The following CSMD1 variants were observed in gnomAD, a reference collection of about 807,000 sequenced individuals.
CSMD1 encodes CUB and Sushi multiple domains 1.
Under a neutral mutation model 417.5 loss-of-function variants are expected in CSMD1, and 213 were observed. The ratio of observed to expected loss-of-function variants is 0.51; its 90% CI spans 0.46 to 0.57. CSMD1 has a LOEUF of 0.57. Among genes scored for constraint, CSMD1 ranks in the 20% least tolerant of loss-of-function variants. The pLI, the probability that CSMD1 is intolerant of heterozygous loss-of-function variation, is 0.00. For synonymous variants in CSMD1, 2,862 were observed against 1,736.8 expected (o/e 1.65, Z -16.11); for missense variants, 6,923 against 4,529.7 (o/e 1.53, Z -15.17).
At position 4,981,756 on chromosome 8, in the gene CSMD1, T is replaced by C. The variant is rs886151897; in HGVS notation, c.85+12576A>G. Among the ~76,000 whole-genome samples the C allele has an allele frequency of 3.3e-5, 5 of 152,230 alleles. No homozygotes were observed. The East Asian group carries it at 5.8e-4, about 18-fold the overall frequency. On this transcript the variant is annotated intron_variant, in intron 1 of 69. Coordinates refer to ENST00000635120, the MANE Select transcript of CSMD1 (RefSeq NM_033225.6). ...CTAGGGATCCTTTTCTCCTTGAGAG[T>C]GGGCAGGACCCGTGGCTTCCTTTCA...
intron 54 of CSMD1, among the ~76,000 whole-genome samples, chr8:2,986,425 C>T (rs1242081588): frequency 6.6e-6 from 1 of 152,142 alleles, no homozygotes; most frequent in Non-Finnish European, 1.5e-5. Flanking sequence ...ATCAGATCAA[C>T]CCCTAAGACT....
chr8:3,755,926 T>C (rs1756397159), intron 5 of CSMD1, among the ~76,000 whole-genome samples: 1 of 152,056 alleles, frequency 6.6e-6, no homozygotes, highest in African/African-American at 2.4e-5. Context: ...CTTTTTTTAT[T>C]TTTCTGGTGA....
intron 3 of CSMD1, among the ~76,000 whole-genome samples, chr8:4,060,873 C>A (rs1196210347): frequency 6.6e-6 from 1 of 151,988 alleles, no homozygotes; most frequent in African/African-American, 2.4e-5. Context: ...AGGAAGAAAA[C>A]AAAGGCAAAA....
At chr8:3,782,775 A>G (rs1799251824) in intron 5 of CSMD1, among the ~76,000 whole-genome samples, 1 of 152,174 alleles carries the variant, frequency 6.6e-6, no homozygotes, top group South Asian at 2.1e-4. Flanking sequence ...ATCTAAATAA[A>G]CTTTAGGAAT....
chr8:2,944,266 C>T (rs677637), intron 68 of CSMD1, among the ~76,000 whole-genome samples: 101,659 of 151,982 alleles, frequency 0.67, 35,392 homozygotes, highest in East Asian at 0.88. Flanking sequence ...GGACGCAAAA[C>T]ATTCTGAGAT....
intron 5 of CSMD1, among the ~76,000 whole-genome samples, chr8:3,792,600 C>G (rs1799812431): frequency 6.6e-6 from 1 of 152,158 alleles, no homozygotes; most frequent in Non-Finnish European, 1.5e-5. Context: ...CCTTCCTCTT[C>G]CTTTCACCCT....
At chr8:3,171,529 A>G (rs923338333) in intron 37 of CSMD1, among the ~76,000 whole-genome samples, 4 of 152,196 alleles carry the variant, frequency 2.6e-5, no homozygotes, top group African/African-American at 9.6e-5. Context: ...GCCACTAGTC[A>G]TTACTTATTC....
intron 25 of CSMD1, among the ~76,000 whole-genome samples, chr8:3,293,829 G>C (rs1477154864): frequency 1.3e-5 from 2 of 152,188 alleles, no homozygotes; most frequent in Admixed American, 6.5e-5. Context: ...CTCTCAACTT[G>C]TCAAAGTCAT....
intron 2 of CSMD1, among the ~76,000 whole-genome samples, chr8:4,565,274 G>C (rs1353838241): frequency 6.6e-6 from 1 of 152,186 alleles, no homozygotes; most frequent in East Asian, 1.9e-4. Flanking sequence ...GCAGAATATT[G>C]AGTGAACAAG....
At chr8:3,404,134 G>A (rs1420381183) in intron 15 of CSMD1, among the ~76,000 whole-genome samples, 1 of 152,072 alleles carries the variant, frequency 6.6e-6, no homozygotes, top group South Asian at 2.1e-4. Flanking sequence ...AGGAGTTTGA[G>A]ACCAGCCTGG....
chr8:2,983,943 G>A (rs1428230897), intron 54 of CSMD1, among the ~76,000 whole-genome samples: 2 of 152,178 alleles, frequency 1.3e-5, no homozygotes, highest in African/African-American at 2.4e-5. Context: ...AAGCTTTTAT[G>A]TGAAATTAAA....
intron 2 of CSMD1, among the ~76,000 whole-genome samples, chr8:4,501,941 A>G (rs1161949764): frequency 1.3e-5 from 2 of 152,158 alleles, no homozygotes. Context: ...CCCCTAGAAT[A>G]AGGGAGAGAA....
intron 57 of CSMD1, among the ~76,000 whole-genome samples, chr8:2,970,555 T>C (rs1804369209): frequency 6.6e-6 from 1 of 152,238 alleles, no homozygotes; most frequent in African/African-American, 2.4e-5. Context: ...CATTCACTTA[T>C]TGACATCCAG....
chr8:3,653,800 GT>G (rs1193480846), intron 7 of CSMD1, among the ~76,000 whole-genome samples: 10 of 152,260 alleles, frequency 6.6e-5, no homozygotes, highest in Admixed American at 5.9e-4. Flanking sequence ...CGTGACACAA[GT>G]TTAATGACCA....
intron 25 of CSMD1, among the ~76,000 whole-genome samples, chr8:3,291,605 T>TA (rs1344506509): frequency 4.9e-4 from 75 of 152,346 alleles, no homozygotes; most frequent in African/African-American, 1.7e-3. Context: ...TATTCTAGTT[T>TA]ATTTGCATAG....
chr8:4,402,836 T>C (rs1804740493), intron 3 of CSMD1, among the ~76,000 whole-genome samples: 1 of 136,658 alleles, frequency 7.3e-6, no homozygotes, highest in Non-Finnish European at 1.6e-5. Flanking sequence ...TTTTTTTTTT[T>C]TGGAGACAGA....
At chr8:4,825,808 A>C (rs1799794852) in intron 1 of CSMD1, among the ~76,000 whole-genome samples, 1 of 151,796 alleles carries the variant, frequency 6.6e-6, no homozygotes, top group African/African-American at 2.4e-5. Context: ...AAAAAAAAAG[A>C]AATCCCACAA....
intron 3 of CSMD1, among the ~76,000 whole-genome samples, chr8:4,318,444 AT>A (rs1755880388): frequency 6.6e-6 from 1 of 152,148 alleles, no homozygotes; most frequent in South Asian, 2.1e-4. Flanking sequence ...TGAAAATTAC[AT>A]TGAGTTAAAA....
intron 3 of CSMD1, among the ~76,000 whole-genome samples, chr8:4,300,942 C>T (rs965952649): frequency 3.3e-5 from 5 of 152,148 alleles, no homozygotes; most frequent in African/African-American, 1.2e-4. Context: ...CGTTGTTGGA[C>T]ATTTAGGTTG....
Sources: allele counts gnomAD v4.1 joint callset (sites outside exome capture counted in the v4.1 genomes callset), GRCh38; gene constraint gnomAD v4.1.1; transcripts MANE v1.5; gene names NCBI Gene and HGNC (gene_info 2026-07-23, HGNC 2026-07-21).